The following SLC37A2 variants were observed in gnomAD, a reference collection of about 807,000 sequenced individuals.
SLC37A2 encodes the protein glucose-6-phosphate exchanger SLC37A2.
SLC37A2 carries 59 observed loss-of-function variants against 70.7 expected under a neutral mutation model. The observed-to-expected ratio is 0.83, with a 90% CI of 0.68 to 1.04. The LOEUF (loss-of-function observed/expected upper bound fraction) is 1.04, where lower values mean the gene tolerates loss of function less well. SLC37A2 is among the 50% of genes least tolerant of loss of function. The pLI, the probability that SLC37A2 is intolerant of heterozygous loss-of-function variation, is 0.00. For missense variants in SLC37A2, 580 were observed against 658.1 expected (o/e 0.88, Z 1.30); for synonymous variants, 257 against 262.1 (o/e 0.98, Z 0.19).
chr11:125,085,912 C>T (rs1949208180), intron 16 of SLC37A2, 42 bp from the exon 17 acceptor site: 1 of 1,578,108 alleles, frequency 6.3e-7, no homozygotes, highest in Non-Finnish European at 8.7e-7. Context: ...GTGCTCAGTG[C>T]TAACAGTGCC....
intron 1 of SLC37A2, among the ~76,000 whole-genome samples, chr11:125,069,570 C>T (rs1169058374): frequency 3.3e-5 from 5 of 152,184 alleles, no homozygotes; most frequent in African/African-American, 1.2e-4. Context: ...AGAATCATCT[C>T]CATTAGGAGA....
In SLC37A2 at chr11:125,081,821, G is replaced by C. The variant is rs764529052; in HGVS notation, c.800G>C (p.Ser267Thr). Residue 267 changes from serine (S) to threonine (T), a missense_variant, in exon 9 of 18, where the codon AGC (serine) becomes ACC (threonine). Coordinates refer to ENST00000403796, the MANE Select transcript of SLC37A2 (RefSeq NM_001145290.2). ...AACAGTCCCTGCTCTATCAGGGAGAGCGGCCTTGAGACTGTGGCCAAATGC... is the reference window on the plus strand; with the variant it reads ...AACAGTCCCTGCTCTATCAGGGAGACCGGCCTTGAGACTGTGGCCAAATGC... ...PGNSPCSIRE[S>T]GLETVAKCSK... The C allele has an allele frequency of 6.2e-7, 1 of 1,614,010 alleles. No individual in the cohort carries two copies. The highest frequency in any genetic ancestry group is 8.5e-7 in the Non-Finnish European group (1 of 1,179,914).
chr11:125,087,994 A>G (rs1360942970), intron 17 of SLC37A2, 125 bp from the exon 18 acceptor site: 1 of 1,047,186 alleles, frequency 9.5e-7, no homozygotes, highest in African/African-American at 1.6e-5. Context: ...AGGCCTCATT[A>G]CAGAGAACTG....
chr11:125,088,416 A>G lies in SLC37A2; in HGVS notation c.*282A>G, dbSNP rs1488849326. The G allele has an allele frequency of 4.2e-6, 2 of 472,470 alleles. No homozygotes were observed. The highest frequency in any genetic ancestry group is 3.3e-5 in the East Asian group (1 of 30,024). The allele number at this position is 472,470 out of a possible 1,614,324, so 29.3% of individuals were successfully genotyped here. A position where few individuals can be genotyped will look rare whatever the true frequency, so the allele number is the denominator to read the frequency against. ...GAGTTGTGTCTCCATTTTGATAAGG[A>G]AAGGATATGCTCAGACTCTTGCTTG... is the stretch of plus-strand genomic sequence containing the variant. On this transcript the variant is annotated 3_prime_UTR_variant, in exon 18 of 18. Coordinates refer to ENST00000403796, the MANE Select transcript of SLC37A2 (RefSeq NM_001145290.2).
rs773987388 is a variant in SLC37A2, at chr11:125,085,566, G to A, written c.1328-11G>A. The A allele has an allele frequency of 4.3e-6, 7 of 1,613,720 alleles. No homozygotes were observed. In the African/African-American group the frequency reaches 9.3e-5, roughly 22 times the overall value. On this transcript the variant is annotated splice_polypyrimidine_tract_variant and intron_variant, in intron 15 of 17. Transcript: ENST00000403796. Reference sequence around the variant, plus strand: ...GCAGGACCCCTGCTCACGAGGCTGTGCTCCATTCAGGTGCGGCTCTGGGGC... The same window carrying A: ...GCAGGACCCCTGCTCACGAGGCTGTACTCCATTCAGGTGCGGCTCTGGGGC...
intron 1 of SLC37A2, among the ~76,000 whole-genome samples, chr11:125,070,743 C>T (rs892075458): frequency 6.6e-6 from 1 of 152,210 alleles, no homozygotes; most frequent in Non-Finnish European, 1.5e-5. Context: ...TCCGGCCCCC[C>T]AGAAGGGGCA....
At chr11:125,068,741 A>G (rs1343901988) in intron 1 of SLC37A2, among the ~76,000 whole-genome samples, 1 of 152,252 alleles carries the variant, frequency 6.6e-6, no homozygotes, top group Non-Finnish European at 1.5e-5. Flanking sequence ...TACTATCATT[A>G]TTAATGATGG....
chr11:125,073,476 G>C (rs1949050759), intron 1 of SLC37A2, among the ~76,000 whole-genome samples: 1 of 152,250 alleles, frequency 6.6e-6, no homozygotes, highest in Non-Finnish European at 1.5e-5. Context: ...TCCCCTAACA[G>C]AGCAGTGTGG....
At chr11:125,071,028 T>C (rs1341392427) in intron 1 of SLC37A2, among the ~76,000 whole-genome samples, 1 of 152,192 alleles carries the variant, frequency 6.6e-6, no homozygotes, top group Non-Finnish European at 1.5e-5. Context: ...GGGTCAGGGT[T>C]GACAGTCCCA....
At chr11:125,079,630 G>A (rs1030118532) in intron 5 of SLC37A2, 54 bp from the exon 6 acceptor site, 1 of 1,447,682 alleles carries the variant, frequency 6.9e-7, no homozygotes, top group African/African-American at 1.4e-5. Flanking sequence ...TCAGAGCAGG[G>A]AGCCAGTCGC....
intron 12 of SLC37A2, 62 bp downstream of exon 12, chr11:125,084,381 G>C: frequency 6.5e-7 from 1 of 1,549,352 alleles, no homozygotes; most frequent in East Asian, 2.2e-5. Context: ...GTGGGCCTCT[G>C]GCCTATGTGC....
intron 4 of SLC37A2, 48 bp downstream of exon 4, chr11:125,077,576 C>T: frequency 6.8e-7 from 1 of 1,479,532 alleles, no homozygotes; most frequent in Non-Finnish European, 9.3e-7. Context: ...TGGTTTAGAG[C>T]TGCTACCTCC....
chr11:125,084,195 C>G, intron 11 of SLC37A2, 39 bp from the exon 12 acceptor site: 1 of 1,610,014 alleles, frequency 6.2e-7, no homozygotes, highest in Non-Finnish European at 8.5e-7. Flanking sequence ...TGGCAGGGTC[C>G]TGTCTGGGAG....
At chr11:125,082,865 T>C (rs1362254773) in intron 10 of SLC37A2, among the ~76,000 whole-genome samples, 1 of 152,210 alleles carries the variant, frequency 6.6e-6, no homozygotes, top group East Asian at 1.9e-4. Context: ...TCCTGTCTCA[T>C]GGACCTACTC....
chr11:125,066,921 A>G (rs778492490), intron 1 of SLC37A2, among the ~76,000 whole-genome samples: 26 of 152,008 alleles, frequency 1.7e-4, no homozygotes, highest in Non-Finnish European at 3.4e-4. Flanking sequence ...GGCCTGGAAG[A>G]TGCTACATTT....
intron 1 of SLC37A2, among the ~76,000 whole-genome samples, chr11:125,064,800 G>A (rs2135556364): frequency 6.6e-6 from 1 of 152,266 alleles, no homozygotes; most frequent in South Asian, 2.1e-4. Context: ...GGGGGATTGG[G>A]GAATTATTGT....
At chr11:125,073,920 G>A (rs762630770) in intron 1 of SLC37A2, among the ~76,000 whole-genome samples, 6 of 152,162 alleles carry the variant, frequency 3.9e-5, no homozygotes, top group Admixed American at 6.5e-5. Context: ...CAGAGCTGCC[G>A]ACCTGGGAAC....
At chr11:125,079,518 A>T (rs1212210554) in intron 5 of SLC37A2, among the ~76,000 whole-genome samples, 166 bp from the exon 6 acceptor site, 2 of 152,084 alleles carry the variant, frequency 1.3e-5, no homozygotes, top group Non-Finnish European at 2.9e-5. Flanking sequence ...AGCTCATGCC[A>T]TTGAGGAGGT....
At chr11:125,088,067 C>T (rs1263483571) in intron 17 of SLC37A2, 52 bp from the exon 18 acceptor site, 1 of 1,546,816 alleles carries the variant, frequency 6.5e-7, no homozygotes, top group African/African-American at 1.4e-5. Context: ...TCAGCAGGAG[C>T]TTATGAAGTC....
Sources: allele counts gnomAD v4.1 joint callset (sites outside exome capture counted in the v4.1 genomes callset), GRCh38; gene constraint gnomAD v4.1.1; transcripts MANE v1.5; gene names NCBI Gene and HGNC (gene_info 2026-07-23, HGNC 2026-07-21).